The following P2RX3 variants were observed in gnomAD, a reference collection of about 807,000 sequenced individuals.
The protein encoded by P2RX3 is P2X purinoceptor 3.
Under a neutral mutation model 51.5 loss-of-function variants are expected in P2RX3, and 41 were observed. The observed-to-expected ratio is 0.80, with a 90% CI of 0.62 to 1.03. The LOEUF (loss-of-function observed/expected upper bound fraction) is 1.03, where lower values mean the gene tolerates loss of function less well. Ranked by LOEUF, P2RX3 falls within the 50% of genes least tolerant of loss-of-function variation. P2RX3 has a pLI of 0.00. For synonymous variants in P2RX3, 185 were observed against 191.6 expected (o/e 0.97, Z 0.29); for missense variants, 459 against 522.1 (o/e 0.88, Z 1.18).
intron 8 of P2RX3, among the ~76,000 whole-genome samples, chr11:57,362,684 G>A (rs1318119853): frequency 6.6e-6 from 1 of 152,214 alleles, no homozygotes; most frequent in African/African-American, 2.4e-5. Flanking sequence ...GCCTGGGTTC[G>A]AATCCCAGCT....
chr11:57,367,865 A>T, intron 8 of P2RX3, 144 bp from the exon 9 acceptor site: 1 of 647,204 alleles, frequency 1.5e-6, no homozygotes, highest in Non-Finnish European at 2.8e-6. Context: ...CTAACCACAC[A>T]GGGAGGAGCG....
chr11:57,345,616 T>A (rs1234630877), intron 1 of P2RX3, among the ~76,000 whole-genome samples: 1 of 152,144 alleles, frequency 6.6e-6, no homozygotes, highest in African/African-American at 2.4e-5. Context: ...CCTTGAGGGC[T>A]GTGATTGGCG....
rs1474502160 is a variant in P2RX3, at chr11:57,370,814, T to G, written c.*817T>G. Among the ~76,000 whole-genome samples, 1 of 152,186 alleles carries G rather than the reference T, an allele frequency of 6.6e-6. No individual in the cohort carries two copies. The highest frequency in any genetic ancestry group is 1.5e-5 in the Non-Finnish European group (1 of 68,014). ...CTGGGACCCCACACCCACACACATCTGGGCCCCCTCACTCTGGGGATTTGA... is the reference window on the plus strand; with the variant it reads ...CTGGGACCCCACACCCACACACATCGGGGCCCCCTCACTCTGGGGATTTGA... On this transcript the variant is annotated 3_prime_UTR_variant, in exon 12 of 12. Coordinates refer to ENST00000263314, the MANE Select transcript of P2RX3 (RefSeq NM_002559.5).
At chr11:57,345,777 G>GGCTTAA (rs1368107448) in intron 1 of P2RX3, among the ~76,000 whole-genome samples, 1 of 152,134 alleles carries the variant, frequency 6.6e-6, no homozygotes, top group Non-Finnish European at 1.5e-5. Flanking sequence ...GTCCCATTAT[G>GGCTTAA]GCTTAAAGCT....
intron 8 of P2RX3, among the ~76,000 whole-genome samples, chr11:57,366,367 T>C (rs181021369): frequency 3.3e-5 from 5 of 152,332 alleles, no homozygotes; most frequent in African/African-American, 1.2e-4. Context: ...TGTTGAACAC[T>C]AACCCCTGTT....
rs556686888 is a variant in P2RX3 at position 57,345,763 on chromosome 11, C to T, written c.120-781C>T. 8.9e-4 allele frequency among the ~76,000 whole-genome samples: 135 copies of T among 152,258 alleles called. 2 individuals carry two copies. The South Asian group carries it at 0.01, about 11-fold the overall frequency. On this transcript the variant is annotated intron_variant, in intron 1 of 11. Coordinates refer to ENST00000263314, the MANE Select transcript of P2RX3 (RefSeq NM_002559.5). The stretch of plus-strand genomic sequence containing the variant: ...ATGGAAAAAGGGAAGGCCTCATCCA[C>T]GTGGTCCCATTATGGCTTAAAGCTG...
Position 57,368,426 on chromosome 11 carries a change from T to G in P2RX3, c.991T>G (p.Ser331Ala). The change falls in exon 10 of 12, where the codon TCT (serine) becomes GCT (alanine). Residue 331 changes from serine to alanine, a missense_variant. Transcript: ENST00000263314. The stretch of plus-strand genomic sequence containing the variant: ...CATCAGCTCTGTGGCGGCCTTTACT[T>G]CTGTGGGAGTGGTGAGTTCAGCCCC... ...TIISSVAAFT[S>A]VGVGTVLCDI... 2 of 1,614,122 alleles carry G rather than the reference T, an allele frequency of 1.2e-6. No homozygotes were observed. Among genetic ancestry groups the G allele is most frequent in the Non-Finnish European group, 1.7e-6 (2 of 1,180,014 alleles).
Position 57,369,422 on chromosome 11 carries a change from C to A in P2RX3, c.1064C>A (p.Ala355Asp). The change falls in exon 11 of 12, where the codon GCC becomes GAC. Residue 355 changes from alanine to aspartate, a missense_variant. Coordinates refer to ENST00000263314, the MANE Select transcript of P2RX3 (RefSeq NM_002559.5). ...CTCAAGGGGGCCGACCAGTACAAAGCCAAGAAGTTTGAGGAGGTGAGTTGG... is the reference window on the plus strand; with the variant it reads ...CTCAAGGGGGCCGACCAGTACAAAGACAAGAAGTTTGAGGAGGTGAGTTGG... The part of the protein sequence containing the change: ...NFLKGADQYK[A>D]KKFEEVNETT... 6.2e-7 allele frequency: 1 copy of A among 1,608,490 alleles called. No homozygotes were observed. The highest frequency in any genetic ancestry group is 8.5e-7 in the Non-Finnish European group (1 of 1,177,980).
chr11:57,359,584 T>C lies in P2RX3; in HGVS notation c.843-8425T>C, dbSNP rs1006533375. 5.9e-5 allele frequency among the ~76,000 whole-genome samples: 9 copies of C among 152,234 alleles called. 1 individual carries two copies. The highest frequency in any genetic ancestry group is 1.2e-4 in the Non-Finnish European group (8 of 68,040). ...CTGGCAGCTGTTCGGGCTCTGTTCT[T>C]TCCTCTGATGCCTATGGCATCATTG... On this transcript the variant is annotated intron_variant, in intron 8 of 11. Transcript: ENST00000263314.
chr11:57,372,296 G>T lies in P2RX3; in HGVS notation c.*2299G>T, dbSNP rs1291173091. ...AGCCAACACTGATTACTTACTATTG[G>T]CAGGCAATGGACCAAATGAGTGACA... On this transcript the variant is annotated 3_prime_UTR_variant, in exon 12 of 12. Coordinates refer to ENST00000263314, the MANE Select transcript of P2RX3 (RefSeq NM_002559.5). Among the ~76,000 whole-genome samples, 1 of 152,120 alleles carries T rather than the reference G, an allele frequency of 6.6e-6. No homozygotes were observed. Among genetic ancestry groups the T allele is most frequent in the African/African-American group, 2.4e-5 (1 of 41,418 alleles).
chr11:57,347,014 G>A (rs1856448667), intron 2 of P2RX3, 102 bp from the exon 3 acceptor site: 1 of 1,266,458 alleles, frequency 7.9e-7, no homozygotes, highest in Non-Finnish European at 1.1e-6. Context: ...CTAGACACAA[G>A]CCTTGCTTTC....
At chr11:57,336,119 A>C (rs1856215906), upstream of P2RX3, among the ~76,000 whole-genome samples, 1 of 152,156 alleles carries the variant, frequency 6.6e-6, no homozygotes, top group African/African-American at 2.4e-5. Flanking sequence ...TATCAGACTT[A>C]GTACAGGGGT....
chr11:57,348,247 G>A lies in P2RX3; in HGVS notation c.469G>A (p.Val157Met), dbSNP rs768082680. The change falls in exon 5 of 12, where the codon GTG (valine) becomes ATG (methionine). Residue 157 changes from valine to methionine, a missense_variant. Transcript: ENST00000263314. The stretch of plus-strand genomic sequence containing the variant: ...GATCCAGGGCTGGTGCCCCACGGAG[G>A]TGGACACAGTGGAAACGTAAGGCTC... ...CEIQGWCPTE[V>M]DTVETPIMME... The A allele has an allele frequency of 2.1e-5, 34 of 1,602,888 alleles. No individual in the cohort carries two copies. The South Asian group carries it at 3.7e-4, about 18-fold the overall frequency.
At chr11:57,350,693 C>T in intron 7 of P2RX3, 69 bp from the exon 8 acceptor site, 3 of 1,585,248 alleles carry the variant, frequency 1.9e-6, no homozygotes, top group African/African-American at 1.3e-5. Flanking sequence ...CTCCACCCCA[C>T]CCCCACCCTG....
chr11:57,356,246 T>G lies in P2RX3; in HGVS notation c.842+5348T>G, dbSNP rs980208481. On this transcript the variant is annotated intron_variant, in intron 8 of 11. Coordinates refer to ENST00000263314, the MANE Select transcript of P2RX3 (RefSeq NM_002559.5). ...ACCCAGGGATTTGATCTATATCCAT[T>G]GCTTCCAGCATGCCTTGCGCCATCA... is the stretch of plus-strand genomic sequence containing the variant. 2.6e-5 allele frequency among the ~76,000 whole-genome samples: 4 copies of G among 152,066 alleles called. No individual in the cohort carries two copies. The South Asian group carries it at 8.3e-4, about 32-fold the overall frequency.
intron 5 of P2RX3, 40 bp from the exon 6 acceptor site, chr11:57,348,587 T>G: frequency 1.3e-6 from 2 of 1,554,508 alleles, no homozygotes; most frequent in African/African-American, 2.7e-5. Context: ...TTTCCCCCTC[T>G]TCTTCCTGGA....
At chr11:57,343,626 G>T (rs1856381355) in intron 1 of P2RX3, among the ~76,000 whole-genome samples, 1 of 152,170 alleles carries the variant, frequency 6.6e-6, no homozygotes, top group African/African-American at 2.4e-5. Flanking sequence ...GTGCCGCATT[G>T]GTTATATAAT....
rs76963027 is a variant in P2RX3 at position 57,369,332 on chromosome 11, C to T, written c.1003-29C>T. The T allele has an allele frequency of 2.2e-3, 3,562 of 1,603,080 alleles. 76 individuals are homozygous for T. The African/African-American group carries it at 0.039, about 18-fold the overall frequency. Reference sequence around the variant, plus strand: ...ATCCCACCCAACCCAGGGCACCCCTCGGAGCCCGCCCTGCCTCTCCTCCTC... The same window carrying T: ...ATCCCACCCAACCCAGGGCACCCCTTGGAGCCCGCCCTGCCTCTCCTCCTC... On this transcript the variant is annotated intron_variant, in intron 10 of 11. Transcript: ENST00000263314.
At chr11:57,347,620 C>G in intron 4 of P2RX3, 142 bp downstream of exon 4, 1 of 923,270 alleles carries the variant, frequency 1.1e-6, no homozygotes, top group Non-Finnish European at 1.7e-6. Context: ...GGGTGCCACA[C>G]CCAGTGGGTG....
Sources: gnomAD v4.1 joint callset for allele counts (sites outside exome capture counted in the v4.1 genomes callset) on GRCh38, gnomAD v4.1.1 for gene constraint, MANE v1.5 for transcripts, NCBI Gene and HGNC (gene_info 2026-07-23, HGNC 2026-07-21) for gene names.